Variants in MAMLD1 observed in about 807,000 individuals in gnomAD.
MAMLD1 encodes the protein mastermind-like domain-containing protein 1.
Under a neutral mutation model 45.0 loss-of-function variants are expected in MAMLD1, and 14 were observed. That is an observed-to-expected ratio of 0.31 (90% CI 0.21 to 0.49). The LOEUF (loss-of-function observed/expected upper bound fraction) is 0.49, where lower values mean the gene tolerates loss of function less well. MAMLD1 is among the 20% of genes least tolerant of loss of function. The pLI, the probability that MAMLD1 is intolerant of heterozygous loss-of-function variation, is 0.99. For missense variants in MAMLD1, 543 were observed against 603.6 expected, an observed-to-expected ratio of 0.90 and a Z score of 1.05; for synonymous variants, 254 against 247.8, an observed-to-expected ratio of 1.02 and a Z score of -0.24.
chrX:150,470,539 A>G lies in MAMLD1; in HGVS notation c.966A>G (p.Gln322=). The change falls in exon 4 of 8, where the codon CAA becomes CAG. Residue 322 remains glutamine (Q), a synonymous_variant. Transcript: ENST00000370401. ...AGCAGGGGTCTGCTACAAAGCAGCAAGGGCCCACCCCCAGTTGGTCTGGTC... is the reference window on the plus strand; with the variant it reads ...AGCAGGGGTCTGCTACAAAGCAGCAGGGGCCCACCCCCAGTTGGTCTGGTC... The part of the protein sequence containing the change: ...ASKQGSATKQ[Q]GPTPSWSGLP... 8.3e-7 allele frequency: 1 copy of G among 1,211,651 alleles called. No individual in the cohort carries two copies.
intron 1 of MAMLD1, among the ~76,000 whole-genome samples, chrX:150,393,972 G>A (rs1283193546): frequency 6.4e-5 from 7 of 110,064 alleles, no homozygotes; most frequent in Admixed American, 9.7e-5. Flanking sequence ...GGTTTGTGCC[G>A]TTAGTGTTGT....
At chrX:150,472,325 C>A (rs1408986912) in intron 4 of MAMLD1, among the ~76,000 whole-genome samples, 2 of 112,305 alleles carry the variant, frequency 1.8e-5, no homozygotes, top group African/African-American at 6.5e-5. Flanking sequence ...CCCCAAGCAC[C>A]AGCTTCGAAC....
intron 6 of MAMLD1, chrX:150,504,935 A>G: frequency 1.3e-6 from 1 of 754,210 alleles, no homozygotes; most frequent in Non-Finnish European, 1.6e-6. Flanking sequence ...TGCAGGCACC[A>G]CAGGGGAAGA....
intron 1 of MAMLD1, among the ~76,000 whole-genome samples, chrX:150,433,392 C>A (rs995049104): frequency 3.6e-5 from 4 of 111,816 alleles, no homozygotes; most frequent in Non-Finnish European, 7.5e-5. Flanking sequence ...TATTTGGATG[C>A]CCTTTATGTA....
At chrX:150,484,571 C>T in intron 5 of MAMLD1, among the ~76,000 whole-genome samples, 1 of 112,409 alleles carries the variant, frequency 8.9e-6, no homozygotes, top group East Asian at 2.8e-4. Context: ...TCTATTCTGC[C>T]CAGCTTGTTC....
intron 1 of MAMLD1, among the ~76,000 whole-genome samples, chrX:150,373,466 TCACACA>T (rs368567940): frequency 2.9e-5 from 3 of 103,153 alleles, no homozygotes; most frequent in Admixed American, 1.0e-4. Context: ...TCTCTCTCTC[TCACACA>T]CACACACACA....
At chrX:150,464,564 C>A (rs1557405791) in intron 3 of MAMLD1, among the ~76,000 whole-genome samples, 1 of 112,349 alleles carries the variant, frequency 8.9e-6, no homozygotes. Context: ...CACGGATATT[C>A]CTTTGATCCC....
intron 1 of MAMLD1, among the ~76,000 whole-genome samples, chrX:150,390,620 T>A (rs1231674389): frequency 8.9e-6 from 1 of 112,487 alleles, no homozygotes; most frequent in African/African-American, 3.2e-5. Context: ...AATGTAATTA[T>A]CTTAAATATT....
At chrX:150,387,258 A>C (rs1603227235) in intron 1 of MAMLD1, among the ~76,000 whole-genome samples, 2 of 111,712 alleles carry the variant, frequency 1.8e-5, no homozygotes, top group East Asian at 2.8e-4. Flanking sequence ...TTTTAAGTCC[A>C]TACTCCTTCC....
chrX:150,387,733 A>G (rs2033000417), intron 1 of MAMLD1, among the ~76,000 whole-genome samples: 1 of 111,411 alleles, frequency 9.0e-6, no homozygotes, highest in Admixed American at 9.5e-5. Context: ...GATTTTTTTT[A>G]TTATTATAAA....
At chrX:150,451,777 A>C (rs1356409363) in intron 2 of MAMLD1, among the ~76,000 whole-genome samples, 1 of 110,975 alleles carries the variant, frequency 9.0e-6, no homozygotes, top group Non-Finnish European at 1.9e-5. Context: ...CCAAAGTTAG[A>C]AAGGCAAGCA....
At chrX:150,456,189 AG>A (rs1458809772) in intron 2 of MAMLD1, among the ~76,000 whole-genome samples, 1 of 110,565 alleles carries the variant, frequency 9.0e-6, no homozygotes, top group Non-Finnish European at 1.9e-5. Context: ...CTTACTGCTG[AG>A]GTGTCCACAC....
chrX:150,504,341 T>C (rs1396573215), intron 6 of MAMLD1: 6 of 750,622 alleles, frequency 8.0e-6, no homozygotes, highest in African/African-American at 2.3e-5. Context: ...TTCTAAGTGA[T>C]AGTGATCAGA....
chrX:150,412,679 A>G (rs1009438092), intron 1 of MAMLD1, among the ~76,000 whole-genome samples: 1 of 109,977 alleles, frequency 9.1e-6, no homozygotes, highest in East Asian at 2.9e-4. Flanking sequence ...CGCCCCATCC[A>G]TAAACAGCCT....
chrX:150,377,243 T>G (rs2032365722), intron 1 of MAMLD1, among the ~76,000 whole-genome samples: 1 of 113,429 alleles, frequency 8.8e-6, no homozygotes, highest in South Asian at 3.5e-4. Context: ...CCAGCTCTAC[T>G]GCCTTGCTGT....
chrX:150,398,252 GAGAAGA>G (rs1221742768), intron 1 of MAMLD1, among the ~76,000 whole-genome samples: 416 of 40,682 alleles, frequency 0.01, 7 homozygotes, highest in East Asian at 0.012. Flanking sequence ...GGAGGAGAAG[GAGAAGA>G]AGAAGAAGAA....
At chrX:150,450,525 C>T (rs898666322) in intron 2 of MAMLD1, among the ~76,000 whole-genome samples, 4 of 111,495 alleles carry the variant, frequency 3.6e-5, no homozygotes, top group Non-Finnish European at 7.5e-5. Context: ...CTTGCATGAG[C>T]CTCTGGGCCT....
At chrX:150,447,481 G>A (rs782651073) in intron 2 of MAMLD1, among the ~76,000 whole-genome samples, 1 of 112,068 alleles carries the variant, frequency 8.9e-6, no homozygotes, top group African/African-American at 3.2e-5. Flanking sequence ...CATTGAGAGA[G>A]CCCACTCCTT....
chrX:150,457,373 A>G (rs781838967), intron 2 of MAMLD1, among the ~76,000 whole-genome samples: 2 of 112,235 alleles, frequency 1.8e-5, no homozygotes, highest in South Asian at 7.5e-4. Flanking sequence ...CCAATGATGC[A>G]AGTTTCCAAG....
Sources: gnomAD v4.1 joint callset for allele counts (sites outside exome capture counted in the v4.1 genomes callset) on GRCh38, gnomAD v4.1.1 for gene constraint, MANE v1.5 for transcripts, NCBI Gene and HGNC (gene_info 2026-07-23, HGNC 2026-07-21) for gene names.